Variants in KITLG observed in about 807,000 individuals in gnomAD.
The protein encoded by KITLG is c-Kit ligand.
KITLG carries 13 observed loss-of-function variants against 34.1 expected under a neutral mutation model. The ratio of observed to expected loss-of-function variants is 0.38; its 90% CI spans 0.25 to 0.61. The LOEUF is 0.61. KITLG is among the 20% of genes least tolerant of loss of function. The pLI is 0.60. For missense variants in KITLG, 292 were observed against 318.9 expected (o/e 0.92, Z 0.64); for synonymous variants, 110 against 104.0 (o/e 1.06, Z -0.35).
chr12:88,560,741 G>A (rs756063515), intron 1 of KITLG, among the ~76,000 whole-genome samples: 4 of 152,100 alleles, frequency 2.6e-5, no homozygotes, highest in South Asian at 2.1e-4. Context: ...AGGCTGAGGC[G>A]GGCGGATCAC....
intron 3 of KITLG, among the ~76,000 whole-genome samples, chr12:88,529,954 C>A (rs549456235): frequency 6.6e-6 from 1 of 152,274 alleles, no homozygotes; most frequent in Non-Finnish European, 1.5e-5. Flanking sequence ...ATTACAGAAA[C>A]AAGCACAAAA....
intron 9 of KITLG, among the ~76,000 whole-genome samples, chr12:88,498,649 C>T (rs1047208265): frequency 2.0e-5 from 3 of 152,030 alleles, no homozygotes; most frequent in Middle Eastern, 3.2e-3. Context: ...CTGAGGTAGG[C>T]GGATCATCTG....
rs1390950982 is a variant in KITLG, at chr12:88,493,438, CTAGT to C, written c.*3777_*3780del. The stretch of plus-strand genomic sequence containing the variant: ...TTTTACAAACAAAGGCATTTCAAGA[CTAGT>C]TAATGGAAAGCAGCAACATTATGAA... On this transcript the variant is annotated 3_prime_UTR_variant, in exon 10 of 10. Coordinates refer to ENST00000644744, the MANE Select transcript of KITLG (RefSeq NM_000899.5). The C allele has an allele frequency of 6.6e-6, 1 of 152,080 alleles. No individual in the cohort carries two copies. The highest frequency in any genetic ancestry group is 1.5e-5 in the Non-Finnish European group (1 of 67,790). 9.4% of individuals were successfully genotyped at this position (152,080 alleles called of 1,614,324 possible).
chr12:88,569,224 C>T (rs550242781), intron 1 of KITLG, among the ~76,000 whole-genome samples: 6 of 152,236 alleles, frequency 3.9e-5, no homozygotes, highest in South Asian at 4.1e-4. Context: ...ATATTGGTGC[C>T]GCGATCTTGG....
intron 1 of KITLG, 137 bp downstream of exon 1, chr12:88,580,127 C>A: frequency 2.1e-6 from 2 of 943,336 alleles, no homozygotes; most frequent in Non-Finnish European, 3.3e-6. Context: ...CCGGCCTCCC[C>A]CGCATCCTCT....
intron 2 of KITLG, among the ~76,000 whole-genome samples, chr12:88,537,322 C>T (rs531608082): frequency 3.1e-4 from 47 of 152,058 alleles, no homozygotes; most frequent in African/African-American, 9.6e-4. Context: ...TCATGTCTTT[C>T]GCAGGAATAT....
At chr12:88,538,368 G>C (rs557812172) in intron 2 of KITLG, among the ~76,000 whole-genome samples, 42 of 151,884 alleles carry the variant, frequency 2.8e-4, no homozygotes, top group African/African-American at 9.4e-4. Flanking sequence ...CTTCTGCTTA[G>C]ACACATAGCA....
At chr12:88,521,178 T>A (rs1313133293) in intron 3 of KITLG, among the ~76,000 whole-genome samples, 1 of 152,198 alleles carries the variant, frequency 6.6e-6, no homozygotes, top group African/African-American at 2.4e-5. Context: ...ATGTATATAT[T>A]GGCTTTTTAA....
At chr12:88,561,692 G>A (rs1907702) in intron 1 of KITLG, among the ~76,000 whole-genome samples, 93,692 of 152,066 alleles carry the variant, frequency 0.62, 34,518 homozygotes, top group Middle Eastern at 0.83. Flanking sequence ...AGAGACCTTC[G>A]GAAGACAGAC....
intron 1 of KITLG, among the ~76,000 whole-genome samples, chr12:88,553,451 T>C (rs375642286): frequency 3.8e-4 from 58 of 152,274 alleles, no homozygotes; most frequent in African/African-American, 1.3e-3. Flanking sequence ...TTTTTTTTTC[T>C]GTTAACATTC....
chr12:88,527,735 G>T (rs1592847651), intron 3 of KITLG, among the ~76,000 whole-genome samples: 1 of 152,198 alleles, frequency 6.6e-6, no homozygotes, highest in East Asian at 1.9e-4. Flanking sequence ...AGCACCATGA[G>T]GAGAGGATGG....
intron 6 of KITLG, among the ~76,000 whole-genome samples, chr12:88,510,414 C>G (rs1869233183): frequency 6.6e-6 from 1 of 152,152 alleles, no homozygotes; most frequent in Admixed American, 6.5e-5. Context: ...TGTACTAACT[C>G]ACTTAAAACT....
At chr12:88,516,301 T>C (rs1869451335) in intron 5 of KITLG, 33 bp downstream of exon 5, 1 of 1,592,748 alleles carries the variant, frequency 6.3e-7, no homozygotes, top group Non-Finnish European at 8.6e-7. Flanking sequence ...GTTTGTTGTT[T>C]ACATTTGAAC....
chr12:88,515,286 A>C (rs1432059126), intron 6 of KITLG, among the ~76,000 whole-genome samples: 1 of 151,904 alleles, frequency 6.6e-6, no homozygotes, highest in Non-Finnish European at 1.5e-5. Flanking sequence ...TATTTCTAAA[A>C]TTAATTTTAT....
chr12:88,576,343 G>A (rs755489781), intron 1 of KITLG, among the ~76,000 whole-genome samples: 25 of 152,098 alleles, frequency 1.6e-4, no homozygotes, highest in Non-Finnish European at 2.6e-4. Context: ...ATCGACAGAC[G>A]TAGATTTAGG....
At chr12:88,518,958 A>C in intron 3 of KITLG, 91 bp from the exon 4 acceptor site, 1 of 1,145,998 alleles carries the variant, frequency 8.7e-7, no homozygotes, top group Non-Finnish European at 1.3e-6. Context: ...CGTTTTAGTT[A>C]CTCAAGTGAT....
chr12:88,550,964 A>T (rs907707531), intron 1 of KITLG, among the ~76,000 whole-genome samples: 5 of 151,938 alleles, frequency 3.3e-5, no homozygotes, highest in South Asian at 2.1e-4. Flanking sequence ...GGCAACATAA[A>T]TTTTTTTTGC....
chr12:88,556,871 A>C (rs1038508958), intron 1 of KITLG, among the ~76,000 whole-genome samples: 2 of 152,236 alleles, frequency 1.3e-5, no homozygotes, highest in Non-Finnish European at 2.9e-5. Context: ...GCAATGAATA[A>C]AACAAGCACT....
chr12:88,509,694 T>A (rs1218094573), intron 6 of KITLG, among the ~76,000 whole-genome samples: 1 of 152,076 alleles, frequency 6.6e-6, no homozygotes, highest in Non-Finnish European at 1.5e-5. Context: ...CCCATAGAGG[T>A]CAATGTTACC....
Sources: allele counts gnomAD v4.1 joint callset (sites outside exome capture counted in the v4.1 genomes callset), GRCh38; gene constraint gnomAD v4.1.1; transcripts MANE v1.5; gene names NCBI Gene and HGNC (gene_info 2026-07-23, HGNC 2026-07-21).